VPS37A: variants seen among roughly 807,000 people sequenced by gnomAD.
The protein encoded by VPS37A is vacuolar protein sorting-associated protein 37A.
VPS37A carries 30 observed loss-of-function variants against 49.8 expected under a neutral mutation model. That is an observed-to-expected ratio of 0.60 (90% CI 0.45 to 0.82). The LOEUF (loss-of-function observed/expected upper bound fraction) is 0.82, where lower values mean the gene tolerates loss of function less well. Ranked by LOEUF, VPS37A falls within the 40% of genes least tolerant of loss-of-function variation. The pLI is 0.00. For missense variants in VPS37A, 593 were observed against 464.4 expected, an observed-to-expected ratio of 1.28 and a Z score of -2.55; for synonymous variants, 195 against 160.6, an observed-to-expected ratio of 1.21 and a Z score of -1.62.
the VPS37A span, among the ~76,000 whole-genome samples, chr8:17,315,529 G>T: frequency 6.6e-6 from 1 of 152,202 alleles, no homozygotes; most frequent in African/African-American, 2.4e-5. Context: ...CTCCGTCGGG[G>T]ATGTGAATAA....
downstream of VPS37A, chr8:17,300,219 C>T (rs746503890): frequency 1.6e-5 from 25 of 1,602,598 alleles, no homozygotes; most frequent in South Asian, 7.8e-5. Context: ...GAATTTTTTC[C>T]AGCCTCTAAG....
intron 1 of VPS37A, chr8:17,248,389 C>T: frequency 2.2e-6 from 1 of 455,680 alleles, no homozygotes; most frequent in Non-Finnish European, 4.4e-6. Flanking sequence ...CTCAGCTCCC[C>T]ACACCCCTCC....
At chr8:17,316,573 A>G in the VPS37A span, among the ~76,000 whole-genome samples, 1 of 152,028 alleles carries the variant, frequency 6.6e-6, no homozygotes, top group Non-Finnish European at 1.5e-5. Flanking sequence ...CTTCAGCTCT[A>G]TCATGCACAG....
At chr8:17,318,256 G>A in the VPS37A span, among the ~76,000 whole-genome samples, 1 of 152,070 alleles carries the variant, frequency 6.6e-6, no homozygotes, top group Non-Finnish European at 1.5e-5. Context: ...TGCTCGGGCT[G>A]GGAATCTCAC....
downstream of VPS37A, chr8:17,301,874 C>A (rs1420059852): frequency 7.2e-6 from 3 of 417,706 alleles, no homozygotes; most frequent in Non-Finnish European, 1.3e-5. Context: ...ATTAATTTTA[C>A]TACTCTCAAA....
chr8:17,309,202 C>A, the VPS37A span: 1 of 1,038,820 alleles, frequency 9.6e-7, no homozygotes, highest in East Asian at 2.4e-5. Context: ...CGATTTTCCC[C>A]TAAATATTCA....
chr8:17,304,099 C>G (rs1290316969), downstream of VPS37A, among the ~76,000 whole-genome samples: 2 of 152,140 alleles, frequency 1.3e-5, no homozygotes, highest in Non-Finnish European at 1.5e-5. Flanking sequence ...TATTCTCTTT[C>G]ATTTGCTTTT....
chr8:17,316,456 C>T, the VPS37A span, among the ~76,000 whole-genome samples: 1 of 122,348 alleles, frequency 8.2e-6, no homozygotes, highest in Admixed American at 8.7e-5. Flanking sequence ...TATTTACAAA[C>T]AGTACAGTAA....
downstream of VPS37A, among the ~76,000 whole-genome samples, chr8:17,300,942 T>TA (rs1244575768): frequency 5.3e-5 from 8 of 152,258 alleles, no homozygotes; most frequent in African/African-American, 1.9e-4. Flanking sequence ...GTACAGCATG[T>TA]ATCAAGTACT....
chr8:17,280,700 A>T (rs1814977606), intron 9 of VPS37A, among the ~76,000 whole-genome samples: 1 of 152,052 alleles, frequency 6.6e-6, no homozygotes, highest in Admixed American at 6.5e-5. Context: ...TGGGTAAGTT[A>T]TGAAACCATT....
intron 1 of VPS37A, among the ~76,000 whole-genome samples, chr8:17,256,377 G>C (rs1812462048): frequency 6.9e-6 from 1 of 144,040 alleles, no homozygotes. Flanking sequence ...GGCTCAAGGA[G>C]TCCCACTTCA....
At chr8:17,247,823 G>C in intron 1 of VPS37A, 1 of 698,988 alleles carries the variant, frequency 1.4e-6, no homozygotes, top group Non-Finnish European at 2.6e-6. Flanking sequence ...AGGGAAGCCA[G>C]AGTTTTCATC....
chr8:17,303,661 G>A (rs1216898639), downstream of VPS37A, among the ~76,000 whole-genome samples: 1 of 151,252 alleles, frequency 6.6e-6, no homozygotes, highest in Non-Finnish European at 1.5e-5. Context: ...CCAGGCTGGA[G>A]TGCAATGGCA....
At position 17,288,360 on chromosome 8, in the gene VPS37A, A is replaced by G. The variant is rs766901096; in HGVS notation, c.*1933A>G. ...GACATTAGGTGTTTCTTCTAATGCT[A>G]TTCCTCTCCTTGCCCCCAACTCCCC... On this transcript the variant is annotated intron_variant, in intron 11 of 11. Transcript: ENST00000324849. 1.2e-4 allele frequency among the ~76,000 whole-genome samples: 19 copies of G among 152,090 alleles called. 1 individual carries two copies. Among genetic ancestry groups the G allele is most frequent in the South Asian group, 2.1e-4 (1 of 4,820 alleles).
chr8:17,300,181 A>G (rs751656595), downstream of VPS37A: 15 of 1,613,478 alleles, frequency 9.3e-6, no homozygotes, highest in Admixed American at 1.7e-5. Context: ...CTTACTCTTC[A>G]CCTTAGTGCA....
At chr8:17,308,799 C>A in the VPS37A span, among the ~76,000 whole-genome samples, 1 of 152,178 alleles carries the variant, frequency 6.6e-6, no homozygotes, top group Admixed American at 6.5e-5. Flanking sequence ...TGGCCTGGAT[C>A]TGGAGTTGGA....
At chr8:17,267,526 C>T (rs1375177111) in intron 2 of VPS37A, among the ~76,000 whole-genome samples, 2 of 151,914 alleles carry the variant, frequency 1.3e-5, no homozygotes, top group African/African-American at 2.4e-5. Context: ...ATGTGATTGA[C>T]CTCTAACTTG....
At position 17,247,099 on chromosome 8, in the gene VPS37A, G is replaced by C; in HGVS notation, c.-146G>C. On this transcript the variant is annotated 5_prime_UTR_variant, in exon 1 of 12. Transcript: ENST00000324849. ...CCCAGAACTCGGGGAGCGCAGGCAG[G>C]ACAGGCTTAGAGAAGACGCGGTCCC... 4 of 1,062,738 alleles carry C rather than the reference G, an allele frequency of 3.8e-6. No homozygotes were observed. In the South Asian group the frequency reaches 4.5e-5, roughly 12 times the overall value. 65.8% of individuals were successfully genotyped at this position (1,062,738 alleles called of 1,614,324 possible).
chr8:17,324,377 T>C, the VPS37A span, among the ~76,000 whole-genome samples: 1 of 152,172 alleles, frequency 6.6e-6, no homozygotes, highest in Non-Finnish European at 1.5e-5. Flanking sequence ...GCACTCTCCA[T>C]CTTCAGATTG....
Sources: gnomAD v4.1 joint callset for allele counts (sites outside exome capture counted in the v4.1 genomes callset) on GRCh38, gnomAD v4.1.1 for gene constraint, MANE v1.5 for transcripts, NCBI Gene and HGNC (gene_info 2026-07-23, HGNC 2026-07-21) for gene names.